The following DDB1 variants were observed in gnomAD, a reference collection of about 807,000 sequenced individuals.
DDB1 encodes damage specific DNA binding protein 1.
Under a neutral mutation model 133.1 loss-of-function variants are expected in DDB1, and 18 were observed. The ratio of observed to expected loss-of-function variants is 0.14; its 90% CI spans 0.09 to 0.20. The LOEUF (loss-of-function observed/expected upper bound fraction) is 0.20, where lower values mean the gene tolerates loss of function less well. Among genes scored for constraint, DDB1 ranks in the 10% least tolerant of loss-of-function variants. The pLI is 1.00. For synonymous variants in DDB1, 580 were observed against 550.5 expected (o/e 1.05, Z -0.75); for missense variants, 828 against 1,459.2 (o/e 0.57, Z 7.05).
intron 2 of DDB1, 102 bp downstream of exon 2, chr11:61,331,441 G>A: frequency 6.8e-7 from 1 of 1,475,080 alleles, no homozygotes; most frequent in Admixed American, 2.1e-5. Flanking sequence ...AACACTGTGA[G>A]ACCCCCGTCT....
intron 21 of DDB1, among the ~76,000 whole-genome samples, chr11:61,304,876 TAAAAAAAAAAA>T (rs757285412): frequency 9.1e-6 from 1 of 109,604 alleles, no homozygotes; most frequent in South Asian, 2.8e-4. Flanking sequence ...AGACTCCGCC[TAAAAAAAAAAA>T]AAAAGGAAAA....
intron 10 of DDB1, among the ~76,000 whole-genome samples, chr11:61,317,016 A>C: frequency 1.7e-5 from 2 of 116,378 alleles, no homozygotes; most frequent in Non-Finnish European, 1.9e-5. Context: ...GCAGCCTGAC[A>C]CCACTGGAAG....
intron 10 of DDB1, chr11:61,321,293 CCTTT>C (rs1256592922): frequency 5.0e-5 from 11 of 222,104 alleles, no homozygotes; most frequent in Middle Eastern, 1.5e-3. Context: ...CTCAGTCTCT[CCTTT>C]CTTTATGAAT....
intron 20 of DDB1, among the ~76,000 whole-genome samples, chr11:61,309,369 C>T (rs1340834440): frequency 6.6e-6 from 1 of 152,154 alleles, no homozygotes; most frequent in Non-Finnish European, 1.5e-5. Flanking sequence ...TCTGAGATTT[C>T]CGGGCTGATA....
chr11:61,332,585 C>G, intron 1 of DDB1: 1 of 284,348 alleles, frequency 3.5e-6, no homozygotes. Context: ...TTTTCCTGGC[C>G]ACAGAAAGCC....
chr11:61,312,382 CAG>C (rs1284044009), intron 16 of DDB1, among the ~76,000 whole-genome samples: 1 of 152,148 alleles, frequency 6.6e-6, no homozygotes, highest in Non-Finnish European at 1.5e-5. Flanking sequence ...CTGCCTGTGT[CAG>C]AGTTGGCTGG....
In DDB1 at chr11:61,330,148, C is replaced by T; in HGVS notation, c.211-74G>A. The stretch of plus-strand genomic sequence containing the variant: ...ACAACCTGTCCAGTCTTTAAGCACA[C>T]CAAATTCTTTAAGAATTTTCCAAAT... On this transcript the variant is annotated intron_variant, in intron 2 of 26. Transcript: ENST00000301764. The T allele has an allele frequency of 3.2e-6, 4 of 1,236,976 alleles. No homozygotes were observed. In the South Asian group the frequency reaches 4.1e-5, roughly 13 times the overall value. The allele number at this position is 1,236,976 out of a possible 1,614,324, so 76.6% of individuals were successfully genotyped here.
At chr11:61,331,801 C>A (rs531716377) in intron 1 of DDB1, 110 bp from the exon 2 acceptor site, 3 of 1,448,286 alleles carry the variant, frequency 2.1e-6, no homozygotes, top group East Asian at 4.6e-5. Flanking sequence ...ATTTACTTCA[C>A]ATACTTCTCC....
At chr11:61,304,181 CATTT>C in intron 21 of DDB1, 146 bp from the exon 22 acceptor site, 1 of 706,258 alleles carries the variant, frequency 1.4e-6, no homozygotes, top group Non-Finnish European at 2.3e-6. Context: ...CTGGGGTGAA[CATTT>C]ATTATTTCAC....
chr11:61,307,562 C>T (rs1855897693), intron 21 of DDB1, among the ~76,000 whole-genome samples: 1 of 152,216 alleles, frequency 6.6e-6, no homozygotes, highest in Admixed American at 6.5e-5. Context: ...GCTCCTAGGG[C>T]TATCTTCAGA....
chr11:61,316,946 G>GATAGAT (rs1856083561), intron 10 of DDB1, among the ~76,000 whole-genome samples: 1 of 29,078 alleles, frequency 3.4e-5, no homozygotes, highest in Non-Finnish European at 5.2e-5. Flanking sequence ...AAAAAGGATA[G>GATAGAT]ATATATATAT....
intron 2 of DDB1, among the ~76,000 whole-genome samples, chr11:61,330,751 G>C (rs1856354081): frequency 6.6e-6 from 1 of 152,002 alleles, no homozygotes; most frequent in Admixed American, 6.5e-5. Context: ...CGCCTCCTGA[G>C]TTCAAGCAAT....
chr11:61,309,117 A>T (rs1211733732), intron 20 of DDB1, 40 bp from the exon 21 acceptor site: 1 of 1,580,334 alleles, frequency 6.3e-7, no homozygotes. Context: ...CTATGAGCCC[A>T]CACTTTACCT....
Position 61,314,352 on chromosome 11 carries a change from G to A in DDB1, c.1545C>T (p.Ala515=). 6.2e-7 allele frequency: 1 copy of A among 1,614,092 alleles called. No individual in the cohort carries two copies. Residue 515 remains alanine, a synonymous_variant, in exon 13 of 27, where the codon GCC becomes GCT. Coordinates refer to ENST00000301764, the MANE Select transcript of DDB1 (RefSeq NM_001923.5). ...GAGGATGGATCTGCAGATAGTAGAG[G>A]GCCCTGCCTACAGCCACCACCACCT... ...SSQVVVAVGR[A]LYYLQIHPQE...
intron 25 of DDB1, 119 bp downstream of exon 25, chr11:61,302,134 CAAAA>C: frequency 1.2e-6 from 1 of 828,368 alleles, no homozygotes; most frequent in Non-Finnish European, 1.9e-6. Context: ...CAAAACAAAA[CAAAA>C]AACCTGTTCT....
chr11:61,311,852 A>C lies in DDB1; in HGVS notation c.2209T>G (p.Ser737Ala). The change falls in exon 18 of 27, where the codon TCC (serine) becomes GCC (alanine). Residue 737 changes from serine (S) to alanine (A), a missense_variant. Transcript: ENST00000301764. ...GTGTCTTGGACTTCAATGCGGCTGG[A>C]GAGGACCCCGAAACACTGGGACACT... Reference protein sequence around the residue: ...QEVSQCFGVLSSRIEVQDTSG... With the variant: ...QEVSQCFGVLASRIEVQDTSG... 1 of 1,614,134 alleles carries C rather than the reference A, an allele frequency of 6.2e-7. No individual in the cohort carries two copies. Among genetic ancestry groups the C allele is most frequent in the Non-Finnish European group, 8.5e-7 (1 of 1,180,022 alleles).
intron 6 of DDB1, among the ~76,000 whole-genome samples, chr11:61,325,168 C>T (rs1856249723): frequency 6.6e-6 from 1 of 151,734 alleles, no homozygotes; most frequent in Non-Finnish European, 1.5e-5. Flanking sequence ...AAAGAAACTG[C>T]CAAAATTTTC....
chr11:61,320,092 C>G (rs561021542), intron 10 of DDB1, among the ~76,000 whole-genome samples: 1 of 152,270 alleles, frequency 6.6e-6, no homozygotes, highest in South Asian at 2.1e-4. Context: ...ACTTTTACAT[C>G]CTGCTATCTT....
At chr11:61,302,109 T>C (rs1855806131) in intron 25 of DDB1, 148 bp downstream of exon 25, 5 of 659,446 alleles carry the variant, frequency 7.6e-6, no homozygotes, top group Non-Finnish European at 1.3e-5. Flanking sequence ...ATTTTCCACA[T>C]GAAAAAGTCA....
Sources: gnomAD v4.1 joint callset for allele counts (sites outside exome capture counted in the v4.1 genomes callset) on GRCh38, gnomAD v4.1.1 for gene constraint, MANE v1.5 for transcripts, NCBI Gene and HGNC (gene_info 2026-07-23, HGNC 2026-07-21) for gene names.